The following PRAMEF18 variants were observed in gnomAD, a reference collection of about 807,000 sequenced individuals.
PRAMEF18 encodes PRAME family member 18.
Under a neutral mutation model 23.7 loss-of-function variants are expected in PRAMEF18, and 15 were observed. The ratio of observed to expected loss-of-function variants is 0.63; its 90% CI spans 0.42 to 0.97. The LOEUF (loss-of-function observed/expected upper bound fraction) is 0.97, where lower values mean the gene tolerates loss of function less well. Among genes scored for constraint, PRAMEF18 ranks in the 50% least tolerant of loss-of-function variants. PRAMEF18 has a pLI of 0.00. For synonymous variants in PRAMEF18, 78 were observed against 159.9 expected (o/e 0.49, Z 3.86); for missense variants, 223 against 418.6 (o/e 0.53, Z 4.08).
At chr1:13,225,270 T>C (rs1638830924) in exon 2 of PRAMEF18, 3 of 1,612,204 alleles carry the variant, frequency 1.9e-6, no homozygotes, top group African/African-American at 1.3e-5. Flanking sequence ...CAAACATCCA[T>C]GAACACCTTC....
upstream of PRAMEF18, chr1:13,226,134 C>CAT (rs1638849932): frequency 6.2e-7 from 1 of 1,611,688 alleles, no homozygotes; most frequent in African/African-American, 1.3e-5. Context: ...AAAACAAATC[C>CAT]AGAGAAGACA....
At chr1:13,224,860 C>T (rs1569663573) in exon 2 of PRAMEF18, 3 of 1,613,992 alleles carry the variant, frequency 1.9e-6, no homozygotes, top group East Asian at 4.5e-5. Context: ...CTCACCTGAT[C>T]AGCTGGTCCA....
exon 2 of PRAMEF18, chr1:13,225,047 C>T: frequency 6.2e-7 from 1 of 1,606,584 alleles, no homozygotes; most frequent in Non-Finnish European, 8.5e-7. Context: ...CAGGTAACGG[C>T]TAAACTCTAC....
intron 2 of PRAMEF18, 33 bp downstream of exon 2, chr1:13,224,822 G>A (rs1638817883): frequency 6.2e-7 from 1 of 1,613,570 alleles, no homozygotes; most frequent in South Asian, 1.1e-5. Context: ...GCTGTGCTAT[G>A]GCCCCCAGAG....
intron 1 of PRAMEF18, 190 bp downstream of exon 1, chr1:13,225,630 T>A (rs1390240247): frequency 8.5e-7 from 1 of 1,177,420 alleles, no homozygotes; most frequent in South Asian, 1.6e-5. Flanking sequence ...AGCAGGCAGG[T>A]TCCTGTTTCC....
exon 2 of PRAMEF18, chr1:13,224,862 G>T: frequency 6.2e-7 from 1 of 1,613,994 alleles, no homozygotes; most frequent in Non-Finnish European, 8.5e-7. Flanking sequence ...CACCTGATCA[G>T]CTGGTCCAGG....
rs559690007 is a variant in PRAMEF18, at chr1:13,224,573, T to C, written c.866+282A>G. 7.5e-3 allele frequency: 4,362 copies of C among 579,134 alleles called. 1 individual carries two copies. The highest frequency in any genetic ancestry group is 0.073 in the African/African-American group (3,820 of 52,564). 35.9% of individuals were successfully genotyped at this position (579,134 alleles called of 1,614,324 possible). A position where few individuals can be genotyped will look rare whatever the true frequency, so the allele number is the denominator to read the frequency against. On this transcript the variant is annotated intron_variant, in intron 2 of 2. Transcript: ENST00000624297. Reference sequence around the variant, plus strand: ...AACACACTTCCTAACAAGGAATTCCTAAAAGGAATTCACCCTCACTAGAGC... The same window carrying C: ...AACACACTTCCTAACAAGGAATTCCCAAAAGGAATTCACCCTCACTAGAGC...
At chr1:13,225,034 G>C (rs1409439974) in exon 2 of PRAMEF18, 1 of 1,614,172 alleles carries the variant, frequency 6.2e-7, no homozygotes, top group Non-Finnish European at 8.5e-7. Flanking sequence ...TCCTCATCTG[G>C]CTCAGGTAAC....
At position 13,224,574 on chromosome 1, in the gene PRAMEF18, A is replaced by G. The variant is rs1638812420; in HGVS notation, c.866+281T>C. ...ACACACTTCCTAACAAGGAATTCCT[A>G]AAAGGAATTCACCCTCACTAGAGCT... On this transcript the variant is annotated intron_variant, in intron 2 of 2. Coordinates refer to ENST00000624297, the Ensembl canonical transcript of PRAMEF18. 9 of 608,696 alleles carry G rather than the reference A, an allele frequency of 1.5e-5. No individual in the cohort carries two copies. In the South Asian group the frequency reaches 2.1e-4, roughly 14 times the overall value. 37.7% of individuals were successfully genotyped at this position (608,696 alleles called of 1,614,324 possible). A position where few individuals can be genotyped will look rare whatever the true frequency, so the allele number is the denominator to read the frequency against.
intron 2 of PRAMEF18, chr1:13,224,568 A>T (rs2100397090): frequency 1.7e-6 from 1 of 593,022 alleles, no homozygotes; most frequent in East Asian, 3.0e-5. Context: ...CTAACAAGGA[A>T]TTCCTAAAAG....
exon 3 of PRAMEF18, chr1:13,223,098 A>C: frequency 1.5e-5 from 1 of 68,964 alleles, no homozygotes; most frequent in South Asian, 7.5e-5. Context: ...ACACCTATAG[A>C]CCCGGCACAG....
At chr1:13,224,818 C>T in intron 2 of PRAMEF18, 37 bp downstream of exon 2, 1 of 1,613,480 alleles carries the variant, frequency 6.2e-7, no homozygotes, top group Non-Finnish European at 8.5e-7. Context: ...AAAGGCTGTG[C>T]TATGGCCCCC....
exon 2 of PRAMEF18, chr1:13,225,254 T>G: frequency 6.2e-7 from 1 of 1,612,188 alleles, no homozygotes; most frequent in South Asian, 1.1e-5. Flanking sequence ...GAATTTTTCC[T>G]TGAGGCAAAC....
In PRAMEF18 at chr1:13,224,895, T is replaced by G. The variant is rs1325229410; in HGVS notation, c.826A>C (p.Arg276=). ...AGGTGGCCTCTGAAGAAGCAGACCC[T>G]TCTTACATAAAGCATCTGGAGGTTC... The change falls in exon 2 of 3, where the codon AGG becomes CGG. Residue 276 remains arginine (R), a synonymous_variant. Transcript: ENST00000624297. 587 of 1,613,770 alleles carry G rather than the reference T, an allele frequency of 3.6e-4. No individual in the cohort carries two copies. The African/African-American group carries it at 6.9e-3, about 19-fold the overall frequency.
At chr1:13,226,140 A>G, upstream of PRAMEF18, 1 of 1,612,040 alleles carries the variant, frequency 6.2e-7, no homozygotes, top group Non-Finnish European at 8.5e-7. Context: ...AATCCAGAGA[A>G]GACAAACTTA....
At chr1:13,225,215 C>A in exon 2 of PRAMEF18, 1 of 1,612,208 alleles carries the variant, frequency 6.2e-7, no homozygotes, top group Non-Finnish European at 8.5e-7. Flanking sequence ...CTGCACCCAC[C>A]CAGAGAAGAA....
At chr1:13,224,651 C>T (rs878955616) in intron 2 of PRAMEF18, 266 of 979,168 alleles carry the variant, frequency 2.7e-4, no homozygotes, top group East Asian at 3.7e-4. Context: ...GTAGCTTCTA[C>T]CCCAGGTCAT....
At chr1:13,224,832 G>A (rs1638818148) in intron 2 of PRAMEF18, 23 bp downstream of exon 2, 1 of 1,613,772 alleles carries the variant, frequency 6.2e-7, no homozygotes, top group Admixed American at 1.7e-5. Flanking sequence ...GGCCCCCAGA[G>A]AAAGCTCACC....
At chr1:13,226,082 G>A (rs1638848691) in exon 1 of PRAMEF18, 2 of 1,612,890 alleles carry the variant, frequency 1.2e-6, no homozygotes, top group East Asian at 2.2e-5. Flanking sequence ...AGCTCCAGGA[G>A]TCTGCGTGGG....
Sources: allele counts gnomAD v4.1 joint callset, GRCh38; gene constraint gnomAD v4.1.1; transcripts MANE v1.5; gene names NCBI Gene and HGNC (gene_info 2026-07-23, HGNC 2026-07-21).